The following MPP7 variants were observed in gnomAD, a reference collection of about 807,000 sequenced individuals.
The protein encoded by MPP7 is MAGUK p55 subfamily member 7.
Under a neutral mutation model 76.5 loss-of-function variants are expected in MPP7, and 60 were observed. The ratio of observed to expected loss-of-function variants is 0.78; its 90% CI spans 0.64 to 0.97. The LOEUF is 0.97. Among genes scored for constraint, MPP7 ranks in the 50% least tolerant of loss-of-function variants. The probability of loss-of-function intolerance (pLI) is 0.00; values close to 1 mark genes in which losing one functional copy is unlikely to be tolerated. For synonymous variants in MPP7, 237 were observed against 244.5 expected (o/e 0.97, Z 0.29); for missense variants, 641 against 694.0 (o/e 0.92, Z 0.86).
intron 3 of MPP7, among the ~76,000 whole-genome samples, chr10:28,160,060 C>A (rs1564666622): frequency 6.7e-6 from 1 of 149,488 alleles, no homozygotes. Flanking sequence ...TATTCATTGG[C>A]AACAATACAG....
In MPP7 at chr10:28,070,097, A is replaced by T. The variant is rs145416083; in HGVS notation, c.1124-245T>A. 4.8e-4 allele frequency among the ~76,000 whole-genome samples: 73 copies of T among 152,204 alleles called. No individual in the cohort carries two copies. In the Middle Eastern group the frequency reaches 0.02, roughly 43 times the overall value. On this transcript the variant is annotated intron_variant, in intron 12 of 16. Coordinates refer to ENST00000683449, the MANE Select transcript of MPP7 (RefSeq NM_001318170.2). The stretch of plus-strand genomic sequence containing the variant: ...ATAGAAAGATTTATGTTTAAATGAG[A>T]TATGTTCTAGAGTATTTAGGCTGGA...
chr10:28,105,290 T>C (rs1834288317), intron 11 of MPP7, among the ~76,000 whole-genome samples: 1 of 152,086 alleles, frequency 6.6e-6, no homozygotes, highest in Non-Finnish European at 1.5e-5. Flanking sequence ...GTCTCATTTT[T>C]CTAGAAATAC....
chr10:28,293,320 G>A (rs1840965947), intron 1 of MPP7, among the ~76,000 whole-genome samples: 1 of 152,220 alleles, frequency 6.6e-6, no homozygotes, highest in Non-Finnish European at 1.5e-5. Context: ...CACTGCATTA[G>A]TAATCAGATA....
At chr10:28,261,167 G>A (rs1588996523) in intron 1 of MPP7, among the ~76,000 whole-genome samples, 1 of 152,298 alleles carries the variant, frequency 6.6e-6, no homozygotes, top group East Asian at 1.9e-4. Context: ...AGTGATGTAT[G>A]CTTGTTAGCA....
intron 8 of MPP7, among the ~76,000 whole-genome samples, chr10:28,123,074 A>T (rs552105878): frequency 1.1e-4 from 16 of 152,270 alleles, no homozygotes; most frequent in Admixed American, 8.5e-4. Context: ...CATCTATGAA[A>T]TGTTCCACTG....
chr10:28,200,026 G>A (rs558707969), intron 3 of MPP7, among the ~76,000 whole-genome samples: 21 of 152,208 alleles, frequency 1.4e-4, no homozygotes, highest in African/African-American at 4.1e-4. Flanking sequence ...AAACCAAAGC[G>A]ATTTTGATTC....
chr10:28,197,422 A>T (rs1837622181), intron 3 of MPP7, among the ~76,000 whole-genome samples: 4 of 152,042 alleles, frequency 2.6e-5, no homozygotes, highest in Admixed American at 2.6e-4. Flanking sequence ...ACCTCAAGTG[A>T]TCCACCTGCC....
chr10:28,135,147 G>A (rs1835313767), intron 5 of MPP7, among the ~76,000 whole-genome samples: 1 of 152,142 alleles, frequency 6.6e-6, no homozygotes. Flanking sequence ...GAGTTTCCAG[G>A]CTGTGATGGG....
At chr10:28,141,310 C>G (rs1835510777) in intron 5 of MPP7, among the ~76,000 whole-genome samples, 2 of 151,812 alleles carry the variant, frequency 1.3e-5, no homozygotes, top group African/African-American at 4.8e-5. Context: ...CATAAAAGTA[C>G]AGAAAAACAA....
At chr10:28,214,186 T>C (rs1433954234) in intron 2 of MPP7, among the ~76,000 whole-genome samples, 1 of 152,254 alleles carries the variant, frequency 6.6e-6, no homozygotes, top group Non-Finnish European at 1.5e-5. Flanking sequence ...AACCTTGTTT[T>C]CAGCAGTATA....
Position 28,053,405 on chromosome 10 carries a change from A to G in MPP7, c.*660T>C, listed in dbSNP as rs1460080066. 1 of 152,138 alleles carries G rather than the reference A, an allele frequency of 6.6e-6. No homozygotes were observed. The highest frequency in any genetic ancestry group is 1.5e-5 in the Non-Finnish European group (1 of 68,038). 9.4% of individuals were successfully genotyped at this position (152,138 alleles called of 1,614,324 possible). ...AACTGTTAAAAGTCTACTTTCCCTT[A>G]TTAAATGTTGTTGAGTCACTGACAG... On this transcript the variant is annotated 3_prime_UTR_variant, in exon 17 of 17. Transcript: ENST00000683449.
intron 3 of MPP7, 59 bp downstream of exon 3, chr10:28,202,094 G>A: frequency 8.5e-7 from 1 of 1,173,704 alleles, no homozygotes; most frequent in Non-Finnish European, 1.3e-6. Context: ...ACTTGGTGGT[G>A]CCCCAAATAT....
chr10:28,144,487 C>T (rs1251431173), intron 5 of MPP7, among the ~76,000 whole-genome samples: 1 of 152,162 alleles, frequency 6.6e-6, no homozygotes, highest in East Asian at 1.9e-4. Context: ...CAGCTCCAAA[C>T]TCTCACCCCT....
At position 28,051,885 on chromosome 10, in the gene MPP7, CAA is replaced by C. The variant is rs11292957; in HGVS notation, c.*2178_*2179del. On this transcript the variant is annotated 3_prime_UTR_variant, in exon 17 of 17. Coordinates refer to ENST00000683449, the MANE Select transcript of MPP7 (RefSeq NM_001318170.2). ...TGAGCAACATGGCAAGACCCTGTCT[CAA>C]AAAAAAAAAAAAAAGTATACTACCT... 1.1e-3 allele frequency: 135 copies of C among 118,928 alleles called. No individual in the cohort carries two copies. Among genetic ancestry groups the C allele is most frequent in the African/African-American group, 1.9e-3 (67 of 35,006 alleles). 7.4% of individuals were successfully genotyped at this position (118,928 alleles called of 1,614,324 possible). A position where few individuals can be genotyped will look rare whatever the true frequency, so the allele number is the denominator to read the frequency against.
intron 1 of MPP7, among the ~76,000 whole-genome samples, chr10:28,265,205 G>A (rs1235941821): frequency 6.6e-6 from 1 of 152,176 alleles, no homozygotes; most frequent in Admixed American, 6.5e-5. Context: ...ATGCAAAAAC[G>A]AGAAGGGGTA....
intron 5 of MPP7, among the ~76,000 whole-genome samples, chr10:28,138,303 C>T (rs1260819727): frequency 6.6e-6 from 1 of 152,126 alleles, no homozygotes; most frequent in Non-Finnish European, 1.5e-5. Context: ...CTCTGCTTCC[C>T]CTAGAAACAA....
At chr10:28,220,624 G>T (rs781203250) in intron 2 of MPP7, among the ~76,000 whole-genome samples, 11 of 152,104 alleles carry the variant, frequency 7.2e-5, no homozygotes, top group Non-Finnish European at 1.2e-4. Context: ...TGTATTAAGT[G>T]GTAAGCAATC....
intron 12 of MPP7, among the ~76,000 whole-genome samples, chr10:28,086,973 C>T (rs928557838): frequency 6.6e-6 from 1 of 152,130 alleles, no homozygotes; most frequent in South Asian, 2.1e-4. Flanking sequence ...TTATTTTTCC[C>T]TCTAGCTATA....
chr10:28,307,606 C>T (rs1841266210), upstream of MPP7: 1 of 152,158 alleles, frequency 6.6e-6, no homozygotes, highest in Non-Finnish European at 1.5e-5. Flanking sequence ...TTGGGTGATC[C>T]CGAAATTTTT....
Sources: allele counts gnomAD v4.1 joint callset (sites outside exome capture counted in the v4.1 genomes callset), GRCh38; gene constraint gnomAD v4.1.1; transcripts MANE v1.5; gene names NCBI Gene and HGNC (gene_info 2026-07-23, HGNC 2026-07-21).